STYXL1: variants seen among roughly 807,000 people sequenced by gnomAD.
The protein encoded by STYXL1 is serine/threonine/tyrosine interacting like 1, also known as serine/threonine/tyrosine-interacting-like protein 1.
A neutral mutation model predicts 36.4 loss-of-function variants in STYXL1; 32 were observed. The observed-to-expected ratio is 0.88, with a 90% CI of 0.66 to 1.18. The LOEUF (loss-of-function observed/expected upper bound fraction) is 1.18, where lower values mean the gene tolerates loss of function less well. Among genes scored for constraint, STYXL1 ranks in the 50% most tolerant of loss-of-function variants. The pLI is 0.00. For missense variants in STYXL1, 354 were observed against 394.1 expected (o/e 0.90, Z 0.86); for synonymous variants, 133 against 144.1 (o/e 0.92, Z 0.55).
At chr7:76,007,837 C>T (rs1791982315) in intron 5 of STYXL1, among the ~76,000 whole-genome samples, 1 of 148,922 alleles carries the variant, frequency 6.7e-6, no homozygotes, top group Admixed American at 6.8e-5. Flanking sequence ...GGGAGGATCC[C>T]ACAGGAGTTT....
At chr7:76,008,660 C>T (rs782678831) in intron 5 of STYXL1, among the ~76,000 whole-genome samples, 20 of 152,194 alleles carry the variant, frequency 1.3e-4, no homozygotes, top group Admixed American at 2.6e-4. Context: ...CCCGGATGGA[C>T]GCTCAGCTTG....
At position 76,036,200 on chromosome 7, in the gene STYXL1, G is replaced by A. The variant is rs183427243; in HGVS notation, c.-4-5673C>T. 1.5e-3 allele frequency among the ~76,000 whole-genome samples: 220 copies of A among 149,898 alleles called. 8 individuals are homozygous for A. The highest frequency in any genetic ancestry group is 4.7e-3 in the African/African-American group (194 of 41,138). On this transcript the variant is annotated intron_variant, in intron 1 of 8. Coordinates refer to ENST00000359697, the MANE Select transcript of STYXL1 (RefSeq NM_001317785.2). ...ACTGTAACCTCCACCTCCCGGGTTC[G>A]AGTGATTCTCTCACCTCAGCTTCCT...
At chr7:76,047,471 C>T (rs1164405011) in intron 1 of STYXL1, among the ~76,000 whole-genome samples, 191 bp downstream of exon 1, 1 of 152,156 alleles carries the variant, frequency 6.6e-6, no homozygotes, top group African/African-American at 2.4e-5. Flanking sequence ...TCCCTACAAC[C>T]TATTTGCTCA....
At chr7:76,046,339 T>C (rs782775824) in intron 1 of STYXL1, among the ~76,000 whole-genome samples, 17,642 of 42,972 alleles carry the variant, frequency 0.41, 1,734 homozygotes, top group Middle Eastern at 0.45. Context: ...TGTGTGTGTG[T>C]GCGCGCGCGC....
chr7:76,016,284 A>G (rs1026360417), intron 4 of STYXL1, among the ~76,000 whole-genome samples: 4 of 151,742 alleles, frequency 2.6e-5, no homozygotes, highest in Non-Finnish European at 5.9e-5. Flanking sequence ...GTATATATGT[A>G]TATCTATACA....
chr7:76,030,559 A>T, intron 1 of STYXL1, 32 bp from the exon 2 acceptor site: 1 of 1,355,602 alleles, frequency 7.4e-7, no homozygotes, highest in Non-Finnish European at 1.1e-6. Flanking sequence ...CAAGGGTAAC[A>T]TAACTCTATT....
chr7:76,010,116 T>TA (rs1360167010), intron 5 of STYXL1, among the ~76,000 whole-genome samples: 2 of 152,152 alleles, frequency 1.3e-5, no homozygotes, highest in East Asian at 3.9e-4. Context: ...GAGAAGAAAT[T>TA]AATCTCTCTG....
rs1554584231 is a variant in STYXL1, at chr7:76,047,849, A to G, written c.-192T>C. ...CTCCTCTAAGGCGCTTCCAGCCTAAAGCCCGTCCTCTTCCACCTCTTGGGT... is the reference window on the plus strand; with the variant it reads ...CTCCTCTAAGGCGCTTCCAGCCTAAGGCCCGTCCTCTTCCACCTCTTGGGT... On this transcript the variant is annotated 5_prime_UTR_variant, in exon 1 of 9. Transcript: ENST00000359697. 4 of 1,270,486 alleles carry G rather than the reference A, an allele frequency of 3.1e-6. No individual in the cohort carries two copies. In the African/African-American group the frequency reaches 6.2e-5, roughly 20 times the overall value. 78.7% of individuals were successfully genotyped at this position (1,270,486 alleles called of 1,614,324 possible).
At chr7:76,025,757 C>T (rs916766072) in intron 3 of STYXL1, among the ~76,000 whole-genome samples, 3 of 150,492 alleles carry the variant, frequency 2.0e-5, no homozygotes, top group South Asian at 2.1e-4. Flanking sequence ...ACCACTGCAC[C>T]GGGCAGACAG....
intron 3 of STYXL1, among the ~76,000 whole-genome samples, chr7:76,022,350 G>T (rs1554576493): frequency 6.6e-6 from 1 of 152,076 alleles, no homozygotes; most frequent in African/African-American, 2.4e-5. Flanking sequence ...AGAGTGTTTG[G>T]CAGTGGAGAT....
chr7:76,022,418 A>G (rs111261714), intron 3 of STYXL1, among the ~76,000 whole-genome samples: 6 of 152,026 alleles, frequency 3.9e-5, no homozygotes, highest in African/African-American at 1.4e-4. Flanking sequence ...CCAGCACTTC[A>G]GGAGGCCAAG....
At chr7:75,999,556 T>TATATA (rs56000336) in intron 8 of STYXL1, among the ~76,000 whole-genome samples, 35 of 145,932 alleles carry the variant, frequency 2.4e-4, no homozygotes, top group African/African-American at 4.3e-4. Context: ...TGTGTGTATA[T>TATATA]TTTTTTTTGA....
intron 1 of STYXL1, among the ~76,000 whole-genome samples, chr7:76,038,422 A>ATTCT (rs35261977): frequency 0.76 from 100,210 of 132,042 alleles, 38,902 homozygotes; most frequent in Middle Eastern, 0.9. Flanking sequence ...ATTGAATGAC[A>ATTCT]TTTTTTTTTT....
At chr7:75,997,970 G>A (rs1554564639) in intron 8 of STYXL1, among the ~76,000 whole-genome samples, 1 of 152,186 alleles carries the variant, frequency 6.6e-6, no homozygotes, top group Non-Finnish European at 1.5e-5. Context: ...AAGACATCCT[G>A]TGTTCATGGG....
chr7:76,012,795 G>A (rs1235544846), intron 5 of STYXL1, among the ~76,000 whole-genome samples: 1 of 152,224 alleles, frequency 6.6e-6, no homozygotes, highest in Admixed American at 6.5e-5. Flanking sequence ...GCCTCCCCAA[G>A]TGCTAGGCTT....
rs530518625 is a variant in STYXL1 at position 76,028,179 on chromosome 7, G to A, written c.165+463C>T. Among the ~76,000 whole-genome samples the A allele has an allele frequency of 4.6e-5, 7 of 152,200 alleles. No homozygotes were observed. The South Asian group carries it at 1.2e-3, about 27-fold the overall frequency. ...CCTCCTGAGTAGCTGGGACTCAGGC[G>A]TAAGCCACCACACCTGGCTAATTTT... On this transcript the variant is annotated intron_variant, in intron 3 of 8. Coordinates refer to ENST00000359697, the MANE Select transcript of STYXL1 (RefSeq NM_001317785.2).
At chr7:76,009,023 C>CA (rs554799702) in intron 5 of STYXL1, among the ~76,000 whole-genome samples, 36 of 151,514 alleles carry the variant, frequency 2.4e-4, no homozygotes, top group South Asian at 4.2e-4. Context: ...CAAAACAAAA[C>CA]AAAAAAAACC....
intron 1 of STYXL1, among the ~76,000 whole-genome samples, chr7:76,035,897 T>C (rs1795861475): frequency 6.7e-6 from 1 of 149,770 alleles, no homozygotes; most frequent in East Asian, 1.9e-4. Context: ...CTCAAAGCAC[T>C]CTACCTGGTC....
intron 4 of STYXL1, among the ~76,000 whole-genome samples, chr7:76,016,416 C>T (rs535021126): frequency 1.4e-5 from 2 of 147,014 alleles, no homozygotes; most frequent in African/African-American, 2.7e-5. Context: ...TATATCTATA[C>T]GTATACACAT....
Sources: allele counts gnomAD v4.1 joint callset (sites outside exome capture counted in the v4.1 genomes callset), GRCh38; gene constraint gnomAD v4.1.1; transcripts MANE v1.5; gene names NCBI Gene and HGNC (gene_info 2026-07-23, HGNC 2026-07-21).